Variants in CA10 observed in about 807,000 individuals in gnomAD.
The protein encoded by CA10 is carbonic anhydrase-related protein 10.
Under a neutral mutation model 44.2 loss-of-function variants are expected in CA10, and 14 were observed. That is an observed-to-expected ratio of 0.32 (90% CI 0.21 to 0.50). The LOEUF (loss-of-function observed/expected upper bound fraction) is 0.50. Among genes scored for constraint, CA10 ranks in the 20% least tolerant of loss-of-function variants. CA10 has a pLI of 0.99. For missense variants in CA10, 350 were observed against 409.7 expected (o/e 0.85, Z 1.26); for synonymous variants, 159 against 141.6 (o/e 1.12, Z -0.87).
At chr17:51,771,108 G>T (rs1484119767) in intron 3 of CA10, among the ~76,000 whole-genome samples, 2 of 107,022 alleles carry the variant, frequency 1.9e-5, no homozygotes, top group East Asian at 3.2e-4. Context: ...TGGCGACAGA[G>T]TAAGACTCCG....
intron 2 of CA10, among the ~76,000 whole-genome samples, chr17:52,051,660 G>A (rs1192686837): frequency 6.6e-6 from 1 of 151,826 alleles, no homozygotes; most frequent in Non-Finnish European, 1.5e-5. Flanking sequence ...AGGTTGTGGA[G>A]TGCCTATACA....
At chr17:51,992,233 C>G (rs1045506287) in intron 2 of CA10, among the ~76,000 whole-genome samples, 14 of 151,968 alleles carry the variant, frequency 9.2e-5, no homozygotes, top group South Asian at 6.2e-4. Context: ...GTTACAATAC[C>G]CCTCTTAAAG....
chr17:51,651,808 A>G (rs1233198406), intron 5 of CA10, among the ~76,000 whole-genome samples: 1 of 152,174 alleles, frequency 6.6e-6, no homozygotes, highest in Non-Finnish European at 1.5e-5. Context: ...TCTCCAAAGG[A>G]CAGGAATTGC....
At chr17:51,761,830 G>A (rs906524390) in intron 3 of CA10, 6 of 152,052 alleles carry the variant, frequency 3.9e-5, no homozygotes, top group African/African-American at 1.4e-4. Context: ...AATCCAAACA[G>A]GTCTCTACCC....
chr17:51,911,876 C>A (rs1422977149), intron 3 of CA10, among the ~76,000 whole-genome samples: 2 of 152,154 alleles, frequency 1.3e-5, no homozygotes, highest in African/African-American at 4.8e-5. Flanking sequence ...CAAACAATTT[C>A]AGTGCATATT....
At chr17:51,792,345 G>A (rs1405123441) in intron 3 of CA10, among the ~76,000 whole-genome samples, 1 of 152,166 alleles carries the variant, frequency 6.6e-6, no homozygotes, top group Non-Finnish European at 1.5e-5. Flanking sequence ...ATTGAAACAA[G>A]ACCTGATAAA....
At position 51,879,237 on chromosome 17, in the gene CA10, T is replaced by C. The variant is rs10153251; in HGVS notation, c.279+51753A>G. The stretch of plus-strand genomic sequence containing the variant: ...TCTAATTATTGTCCACTGAACATGG[T>C]GTTACAGTGAATTTTTTCATGTGTA... On this transcript the variant is annotated intron_variant, in intron 3 of 8. Transcript: ENST00000451037. Among the ~76,000 whole-genome samples, 659 of 152,126 alleles carry C rather than the reference T, an allele frequency of 4.3e-3. 5 individuals are homozygous for C. The highest frequency in any genetic ancestry group is 0.015 in the African/African-American group (613 of 41,516).
chr17:52,110,354 T>G (rs1244068951), intron 1 of CA10, among the ~76,000 whole-genome samples: 5 of 152,230 alleles, frequency 3.3e-5, no homozygotes, highest in Non-Finnish European at 7.3e-5. Context: ...AGACCTATCC[T>G]GGAAGGCCAA....
chr17:51,776,166 C>G (rs1905811995), intron 3 of CA10, among the ~76,000 whole-genome samples: 1 of 152,074 alleles, frequency 6.6e-6, no homozygotes, highest in Non-Finnish European at 1.5e-5. Context: ...TTGATACCAG[C>G]CTGACCAACG....
At chr17:51,631,682 G>A in intron 8 of CA10, 76 bp from the exon 9 acceptor site, 1 of 1,268,824 alleles carries the variant, frequency 7.9e-7, no homozygotes, top group East Asian at 2.3e-5. Context: ...TTTGCACACA[G>A]TTTTAGAGAA....
Position 51,694,206 on chromosome 17 carries a change from GA to G in CA10, c.466-40471del, listed in dbSNP as rs202082196. 3.5e-3 allele frequency among the ~76,000 whole-genome samples: 480 copies of G among 137,698 alleles called. 1 individual carries two copies. The highest frequency in any genetic ancestry group is 0.012 in the East Asian group (59 of 4,802). The allele number at this position is 137,698 out of a possible 152,430, so 90.3% of individuals were successfully genotyped here. A position where few individuals can be genotyped will look rare whatever the true frequency, so the allele number is the denominator to read the frequency against. The stretch of plus-strand genomic sequence containing the variant: ...GCAACAAGAGCGAAACTCCGTCTCG[GA>G]AAAAAAAAAAAAAGAAATCTCCAAA... On this transcript the variant is annotated intron_variant, in intron 4 of 8. Coordinates refer to ENST00000451037, the MANE Select transcript of CA10 (RefSeq NM_020178.5).
chr17:51,797,849 T>TCAAA (rs1906773831), intron 3 of CA10, among the ~76,000 whole-genome samples: 1 of 23,726 alleles, frequency 4.2e-5, no homozygotes, highest in Admixed American at 8.2e-4. Context: ...AGGCTCCATC[T>TCAAA]CAAAAAAAAA....
chr17:52,152,661 C>T (rs1019902319), intron 1 of CA10, among the ~76,000 whole-genome samples: 2 of 152,082 alleles, frequency 1.3e-5, no homozygotes, highest in African/African-American at 2.4e-5. Flanking sequence ...AAACATTACT[C>T]ATATTACTTT....
intron 6 of CA10, among the ~76,000 whole-genome samples, chr17:51,643,298 G>C (rs529371075): frequency 6.6e-6 from 1 of 152,204 alleles, no homozygotes; most frequent in Non-Finnish European, 1.5e-5. Context: ...AAAATGGAGG[G>C]ATATTAGCCT....
At chr17:52,009,994 G>A (rs1985732012) in intron 2 of CA10, among the ~76,000 whole-genome samples, 2 of 151,812 alleles carry the variant, frequency 1.3e-5, no homozygotes, top group South Asian at 4.1e-4. Flanking sequence ...GAAGCATATG[G>A]AAAAATGCTC....
At chr17:52,139,693 T>G (rs1989435380) in intron 1 of CA10, among the ~76,000 whole-genome samples, 1 of 152,152 alleles carries the variant, frequency 6.6e-6, no homozygotes, top group Non-Finnish European at 1.5e-5. Flanking sequence ...GACTCTGGAT[T>G]CAGACAGGTC....
At chr17:51,694,196 C>T (rs1915322489) in intron 4 of CA10, among the ~76,000 whole-genome samples, 1 of 150,936 alleles carries the variant, frequency 6.6e-6, no homozygotes, top group African/African-American at 2.4e-5. Context: ...AAGAGCGAAA[C>T]TCCGTCTCGG....
intron 2 of CA10, among the ~76,000 whole-genome samples, chr17:52,014,145 A>C (rs566268398): frequency 6.6e-6 from 1 of 152,100 alleles, no homozygotes; most frequent in African/African-American, 2.4e-5. Flanking sequence ...ATAATGAAAA[A>C]TTATAAATTC....
At chr17:52,094,298 A>C (rs1380225033) in intron 1 of CA10, among the ~76,000 whole-genome samples, 1 of 145,038 alleles carries the variant, frequency 6.9e-6, no homozygotes, top group Non-Finnish European at 1.5e-5. Context: ...TTTAAAAAAA[A>C]CCTAAATAAA....
Sources: gnomAD v4.1 joint callset for allele counts (sites outside exome capture counted in the v4.1 genomes callset) on GRCh38, gnomAD v4.1.1 for gene constraint, MANE v1.5 for transcripts, NCBI Gene and HGNC (gene_info 2026-07-23, HGNC 2026-07-21) for gene names.